KCNQ5: variants seen among roughly 807,000 people sequenced by gnomAD.
KCNQ5 encodes potassium voltage-gated channel subfamily Q member 5.
KCNQ5 carries 30 observed loss-of-function variants against 98.2 expected under a neutral mutation model. The observed-to-expected ratio is 0.31, with a 90% confidence interval of 0.23 to 0.41. The LOEUF is 0.41. Ranked by LOEUF, KCNQ5 falls within the 10% of genes least tolerant of loss-of-function variation. The probability of loss-of-function intolerance (pLI) is 1.00; values close to 1 mark genes in which losing one functional copy is unlikely to be tolerated. For missense variants in KCNQ5, 835 were observed against 1,182.5 expected, an observed-to-expected ratio of 0.71 and a Z score of 4.31; for synonymous variants, 458 against 449.4, an observed-to-expected ratio of 1.02 and a Z score of -0.24.
At chr6:72,664,448 G>T (rs1291899329) in intron 1 of KCNQ5, among the ~76,000 whole-genome samples, 5 of 152,084 alleles carry the variant, frequency 3.3e-5, no homozygotes, top group Non-Finnish European at 7.4e-5. Context: ...GAGGTCAGGA[G>T]TTTGAAACCA....
intron 11 of KCNQ5, among the ~76,000 whole-genome samples, chr6:73,179,137 G>A (rs1778319850): frequency 6.6e-6 from 1 of 152,192 alleles, no homozygotes; most frequent in Non-Finnish European, 1.5e-5. Flanking sequence ...AACTGGAAGA[G>A]GGAGTATTTC....
At chr6:72,748,904 G>A (rs115164479) in intron 1 of KCNQ5, among the ~76,000 whole-genome samples, 188 of 152,208 alleles carry the variant, frequency 1.2e-3, no homozygotes, top group African/African-American at 4.2e-3. Flanking sequence ...GCTCTGACAC[G>A]TTCACACATG....
chr6:73,081,585 G>A (rs750931704), intron 5 of KCNQ5, among the ~76,000 whole-genome samples: 15 of 151,994 alleles, frequency 9.9e-5, no homozygotes, highest in Non-Finnish European at 1.6e-4. Flanking sequence ...ACCGTGCCAC[G>A]GAAATCTACC....
intron 1 of KCNQ5, among the ~76,000 whole-genome samples, chr6:72,878,131 A>T (rs1299219104): frequency 6.6e-6 from 1 of 152,138 alleles, no homozygotes; most frequent in Non-Finnish European, 1.5e-5. Context: ...TTAGCGGGGC[A>T]TGGTGGCATA....
intron 1 of KCNQ5, among the ~76,000 whole-genome samples, chr6:72,815,356 G>A (rs904382127): frequency 6.6e-6 from 1 of 152,116 alleles, no homozygotes; most frequent in African/African-American, 2.4e-5. Flanking sequence ...AGTTCTATGT[G>A]GTATAAACAA....
At chr6:72,860,965 C>T (rs1275006543) in intron 1 of KCNQ5, among the ~76,000 whole-genome samples, 2 of 152,010 alleles carry the variant, frequency 1.3e-5, no homozygotes, top group African/African-American at 4.8e-5. Flanking sequence ...TTGTCCATTT[C>T]ATAGACATTA....
chr6:73,038,561 G>GT (rs889891567), intron 2 of KCNQ5, among the ~76,000 whole-genome samples: 12 of 151,726 alleles, frequency 7.9e-5, no homozygotes, highest in Admixed American at 2.0e-4. Flanking sequence ...CTTGCCAAGA[G>GT]TTTTTTTTAA....
At chr6:72,628,101 A>G (rs2098918915) in intron 1 of KCNQ5, among the ~76,000 whole-genome samples, 2 of 152,338 alleles carry the variant, frequency 1.3e-5, no homozygotes, top group South Asian at 4.1e-4. Context: ...AGTGCCTAAC[A>G]AGGTGCCTTG....
intron 1 of KCNQ5, among the ~76,000 whole-genome samples, chr6:72,635,534 C>T (rs2098923533): frequency 6.6e-6 from 1 of 151,898 alleles, no homozygotes; most frequent in African/African-American, 2.4e-5. Context: ...ATTTTCTTTA[C>T]ACTAGTGTGA....
At chr6:72,769,542 T>C (rs553972841) in intron 1 of KCNQ5, among the ~76,000 whole-genome samples, 1 of 151,870 alleles carries the variant, frequency 6.6e-6, no homozygotes, top group African/African-American at 2.4e-5. Context: ...TTTTTTTTTT[T>C]AAAGCTCTGT....
chr6:72,855,362 G>A (rs1777485559), intron 1 of KCNQ5, among the ~76,000 whole-genome samples: 1 of 151,622 alleles, frequency 6.6e-6, no homozygotes, highest in African/African-American at 2.4e-5. Context: ...TAAAATGCTA[G>A]GTTAAAAGAA....
chr6:73,125,863 A>T (rs1262531538), intron 9 of KCNQ5, among the ~76,000 whole-genome samples: 1 of 88,550 alleles, frequency 1.1e-5, no homozygotes, highest in Non-Finnish European at 2.4e-5. Flanking sequence ...AGGGCTTTGG[A>T]TATTCCTTGG....
chr6:72,862,812 C>T (rs1777824083), intron 1 of KCNQ5, among the ~76,000 whole-genome samples: 1 of 151,856 alleles, frequency 6.6e-6, no homozygotes, highest in Non-Finnish European at 1.5e-5. Context: ...ATTTTTTGTA[C>T]AGATGAAGTC....
At chr6:73,153,077 G>A (rs577465096) in intron 10 of KCNQ5, among the ~76,000 whole-genome samples, 8 of 152,228 alleles carry the variant, frequency 5.3e-5, no homozygotes, top group African/African-American at 7.2e-5. Context: ...GAGATTGCAC[G>A]CAACCTTCCT....
At chr6:73,069,097 A>G (rs1400769416) in intron 3 of KCNQ5, among the ~76,000 whole-genome samples, 7 of 152,336 alleles carry the variant, frequency 4.6e-5, no homozygotes, top group African/African-American at 1.4e-4. Flanking sequence ...CAAAACTAGA[A>G]ATTGTAAAGA....
intron 5 of KCNQ5, among the ~76,000 whole-genome samples, chr6:73,079,606 TTTC>T (rs1350963672): frequency 1.3e-5 from 2 of 152,230 alleles, no homozygotes; most frequent in Non-Finnish European, 2.9e-5. Flanking sequence ...TTCGAATTTT[TTTC>T]TTAAGTTATC....
intron 1 of KCNQ5, among the ~76,000 whole-genome samples, chr6:72,926,286 G>C (rs757380012): frequency 1.3e-5 from 2 of 152,110 alleles, no homozygotes; most frequent in Non-Finnish European, 2.9e-5. Flanking sequence ...CTGCTGCAAG[G>C]AATCAGCTCA....
chr6:73,066,167 A>C (rs1196806211), intron 3 of KCNQ5, among the ~76,000 whole-genome samples: 1 of 152,174 alleles, frequency 6.6e-6, no homozygotes, highest in Non-Finnish European at 1.5e-5. Flanking sequence ...TAAAATATTA[A>C]AAACATGTTA....
chr6:72,955,602 G>T lies in KCNQ5; in HGVS notation c.399-48306G>T, dbSNP rs1582083541. ...CACTCTATATTTGTTGGGTTACTTG[G>T]GAAGTGTTGCAGATTAATATAGAAG... On this transcript the variant is annotated intron_variant, in intron 1 of 13. Coordinates refer to ENST00000370398, the MANE Select transcript of KCNQ5 (RefSeq NM_019842.4). 2.0e-5 allele frequency among the ~76,000 whole-genome samples: 3 copies of T among 152,222 alleles called. No individual in the cohort carries two copies. The East Asian group carries it at 5.8e-4, about 29-fold the overall frequency.
Sources: gnomAD v4.1 joint callset for allele counts (sites outside exome capture counted in the v4.1 genomes callset) on GRCh38, gnomAD v4.1.1 for gene constraint, MANE v1.5 for transcripts, NCBI Gene and HGNC (gene_info 2026-07-23, HGNC 2026-07-21) for gene names.